The following TRDN variants were observed in gnomAD, a reference collection of about 807,000 sequenced individuals.
TRDN encodes triadin.
Under a neutral mutation model 149.7 loss-of-function variants are expected in TRDN, and 161 were observed. The ratio of observed to expected loss-of-function variants is 1.08; its 90% CI spans 0.95 to 1.23. The LOEUF is 1.23. Ranked by LOEUF, TRDN falls within the 50% of genes most tolerant of loss-of-function variation. The probability of loss-of-function intolerance (pLI) is 0.00; values close to 1 mark genes in which losing one functional copy is unlikely to be tolerated. For synonymous variants in TRDN, 294 were observed against 250.5 expected (o/e 1.17, Z -1.64); for missense variants, 896 against 823.5 (o/e 1.09, Z -1.08).
At chr6:123,424,392 G>A (rs959225058) in intron 12 of TRDN, among the ~76,000 whole-genome samples, 3 of 151,910 alleles carry the variant, frequency 2.0e-5, no homozygotes, top group African/African-American at 7.3e-5. Flanking sequence ...CAGCAAAGTT[G>A]AAGTCACGGC....
intron 19 of TRDN, among the ~76,000 whole-genome samples, chr6:123,371,427 T>C (rs1372565116): frequency 6.6e-6 from 1 of 152,162 alleles, no homozygotes; most frequent in Non-Finnish European, 1.5e-5. Context: ...TCTACACCAA[T>C]ACCATTCTAC....
rs545406558 is a variant in TRDN at position 123,561,842 on chromosome 6, C to T, written c.232+9081G>A. 5.3e-5 allele frequency among the ~76,000 whole-genome samples: 8 copies of T among 152,152 alleles called. No homozygotes were observed. In the East Asian group the frequency reaches 5.8e-4, roughly 11 times the overall value. On this transcript the variant is annotated intron_variant, in intron 2 of 40. Coordinates refer to ENST00000334268, the MANE Select transcript of TRDN (RefSeq NM_006073.4). ...CTCTCGAAGCAGCCCTGTGAAACAT[C>T]GCTCATTATCTTTCCATACCACCCC...
chr6:123,296,968 A>G (rs1778225486), intron 24 of TRDN, among the ~76,000 whole-genome samples: 2 of 152,142 alleles, frequency 1.3e-5, no homozygotes, highest in South Asian at 4.1e-4. Flanking sequence ...CTGATAGATA[A>G]GAAGTAGAAA....
At chr6:123,316,666 CTT>C (rs1779036441) in intron 23 of TRDN, among the ~76,000 whole-genome samples, 171 bp from the exon 24 acceptor site, 1 of 151,708 alleles carries the variant, frequency 6.6e-6, no homozygotes, top group Admixed American at 6.6e-5. Flanking sequence ...GAATATGTAT[CTT>C]TGGTAAATTA....
rs1376941314 is a variant in TRDN at position 123,572,908 on chromosome 6, T to C, written c.23-1776A>G. 3.9e-5 allele frequency among the ~76,000 whole-genome samples: 6 copies of C among 152,126 alleles called. No individual in the cohort carries two copies. The South Asian group carries it at 1.2e-3, about 31-fold the overall frequency. On this transcript the variant is annotated intron_variant, in intron 1 of 40. Coordinates refer to ENST00000334268, the MANE Select transcript of TRDN (RefSeq NM_006073.4). ...AATTCTCAAATTTCTTTAACATTTT[T>C]CACAAAGTCAGTTTTACCCAACTGG... is the stretch of plus-strand genomic sequence containing the variant.
chr6:123,629,885 T>TA (rs1785890979), intron 1 of TRDN, among the ~76,000 whole-genome samples: 1 of 152,086 alleles, frequency 6.6e-6, no homozygotes, highest in South Asian at 2.1e-4. Flanking sequence ...CCTTTGAAGA[T>TA]AAAAATTACT....
chr6:123,303,890 A>T (rs1050310903), intron 24 of TRDN, among the ~76,000 whole-genome samples: 3 of 152,210 alleles, frequency 2.0e-5, no homozygotes, highest in Admixed American at 6.5e-5. Context: ...TTGTATATTT[A>T]TTCAGGGAAG....
intron 16 of TRDN, among the ~76,000 whole-genome samples, chr6:123,380,810 G>C (rs977369950): frequency 6.7e-6 from 1 of 148,996 alleles, no homozygotes; most frequent in Non-Finnish European, 1.5e-5. Flanking sequence ...TATTGAGCTT[G>C]ACTGAATTGT....
At chr6:123,388,255 C>T (rs1409314348) in intron 14 of TRDN, among the ~76,000 whole-genome samples, 1 of 152,104 alleles carries the variant, frequency 6.6e-6, no homozygotes, top group Non-Finnish European at 1.5e-5. Context: ...TTTGATAAAA[C>T]TGTCAACAGA....
At chr6:123,579,701 T>C (rs1246121204) in intron 1 of TRDN, among the ~76,000 whole-genome samples, 1 of 152,170 alleles carries the variant, frequency 6.6e-6, no homozygotes, top group African/African-American at 2.4e-5. Flanking sequence ...TTAGGCTCAA[T>C]GTCCCTACCC....
At chr6:123,586,608 C>A (rs538275303) in intron 1 of TRDN, among the ~76,000 whole-genome samples, 72 of 152,238 alleles carry the variant, frequency 4.7e-4, no homozygotes, top group African/African-American at 1.7e-3. Context: ...CTATTTGGAA[C>A]TACTGTCGAG....
chr6:123,441,174 C>T (rs919224089), intron 10 of TRDN: 1 of 152,088 alleles, frequency 6.6e-6, no homozygotes, highest in Non-Finnish European at 1.5e-5. Flanking sequence ...TTAAATTTTT[C>T]ACTTATAAAA....
intron 9 of TRDN, chr6:123,471,720 A>G (rs571523068): frequency 1.3e-5 from 2 of 152,304 alleles, no homozygotes; most frequent in African/African-American, 4.8e-5. Context: ...AGCCAAATAC[A>G]TATTTCATGC....
intron 12 of TRDN, among the ~76,000 whole-genome samples, chr6:123,395,254 C>G (rs1772673604): frequency 2.0e-5 from 3 of 152,092 alleles, no homozygotes; most frequent in African/African-American, 4.8e-5. Context: ...TCCTAAACAA[C>G]CTCATCACAC....
intron 1 of TRDN, among the ~76,000 whole-genome samples, chr6:123,623,762 TCTC>T (rs1421194160): frequency 6.6e-6 from 1 of 152,144 alleles, no homozygotes; most frequent in Non-Finnish European, 1.5e-5. Flanking sequence ...TAACATAAGT[TCTC>T]CTCCTTTATG....
intron 23 of TRDN, among the ~76,000 whole-genome samples, chr6:123,331,558 A>G (rs1292304111): frequency 1.3e-5 from 2 of 152,072 alleles, no homozygotes; most frequent in East Asian, 1.9e-4. Context: ...TTTGGTTTCC[A>G]TGGCTATTCC....
chr6:123,299,741 A>G (rs1054180929), intron 24 of TRDN, among the ~76,000 whole-genome samples: 7 of 152,098 alleles, frequency 4.6e-5, no homozygotes, highest in Non-Finnish European at 1.0e-4. Context: ...AAGTAGAAAA[A>G]AAATGAGCTA....
intron 35 of TRDN, among the ~76,000 whole-genome samples, chr6:123,256,117 G>A (rs909387168): frequency 6.6e-6 from 1 of 151,910 alleles, no homozygotes; most frequent in Non-Finnish European, 1.5e-5. Context: ...AGGCCCCAAT[G>A]TGTGATGTTC....
chr6:123,543,013 A>G (rs1166253670), intron 4 of TRDN, among the ~76,000 whole-genome samples: 1 of 152,110 alleles, frequency 6.6e-6, no homozygotes, highest in Non-Finnish European at 1.5e-5. Flanking sequence ...ACATTTTCAT[A>G]TGCTTTCAGT....
Sources: gnomAD v4.1 joint callset for allele counts (sites outside exome capture counted in the v4.1 genomes callset) on GRCh38, gnomAD v4.1.1 for gene constraint, MANE v1.5 for transcripts, NCBI Gene and HGNC (gene_info 2026-07-23, HGNC 2026-07-21) for gene names.